Variants in CCSER1 observed in about 807,000 individuals in gnomAD.
CCSER1 encodes coiled-coil serine rich protein 1, also known as serine-rich coiled-coil domain-containing protein 1.
In CCSER1, 41 loss-of-function variants were observed where a neutral mutation model predicts 82.0. The ratio of observed to expected loss-of-function variants is 0.50; its 90% CI spans 0.39 to 0.65. The LOEUF is 0.65. Among genes scored for constraint, CCSER1 ranks in the 30% least tolerant of loss-of-function variants. The pLI, the probability that CCSER1 is intolerant of heterozygous loss-of-function variation, is 0.00. For missense variants in CCSER1, 1,119 were observed against 1,064.2 expected (o/e 1.05, Z -0.72); for synonymous variants, 414 against 383.9 (o/e 1.08, Z -0.92).
chr4:91,430,826 C>T (rs893365008), intron 10 of CCSER1, among the ~76,000 whole-genome samples: 2 of 152,180 alleles, frequency 1.3e-5, no homozygotes, highest in Admixed American at 6.5e-5. Context: ...CTACATACCA[C>T]GACTTTTTAG....
intron 1 of CCSER1, among the ~76,000 whole-genome samples, chr4:90,219,558 T>A (rs1741737763): frequency 6.6e-6 from 1 of 152,186 alleles, no homozygotes; most frequent in African/African-American, 2.4e-5. Context: ...ACCTAAACCC[T>A]AGTCCCAAGT....
intron 10 of CCSER1, among the ~76,000 whole-genome samples, chr4:91,402,824 A>G (rs1752429301): frequency 6.6e-6 from 1 of 152,218 alleles, no homozygotes; most frequent in Non-Finnish European, 1.5e-5. Flanking sequence ...GAAGTCAGGT[A>G]GCATGATGCC....
At chr4:91,551,401 A>G (rs1462907233) in intron 10 of CCSER1, among the ~76,000 whole-genome samples, 3 of 152,130 alleles carry the variant, frequency 2.0e-5, no homozygotes, top group South Asian at 2.1e-4. Flanking sequence ...TAATGAGCAT[A>G]TTAAACCCAA....
intron 8 of CCSER1, among the ~76,000 whole-genome samples, chr4:90,858,459 A>G (rs1273903759): frequency 6.6e-6 from 1 of 152,002 alleles, no homozygotes; most frequent in African/African-American, 2.4e-5. Context: ...GTGGTAATAT[A>G]TAAAAGTTAA....
intron 10 of CCSER1, among the ~76,000 whole-genome samples, chr4:91,343,416 T>A (rs1747852165): frequency 6.6e-6 from 1 of 152,038 alleles, no homozygotes; most frequent in African/African-American, 2.4e-5. Flanking sequence ...CATCAGAAAA[T>A]CCTTTGAGCA....
chr4:91,332,421 G>A (rs1381409373), intron 10 of CCSER1, among the ~76,000 whole-genome samples: 1 of 151,714 alleles, frequency 6.6e-6, no homozygotes. Context: ...AGTCCCTTAG[G>A]ACTAGGATAA....
At chr4:90,343,336 T>C (rs1349129316) in intron 3 of CCSER1, among the ~76,000 whole-genome samples, 1 of 152,218 alleles carries the variant, frequency 6.6e-6, no homozygotes, top group East Asian at 1.9e-4. Flanking sequence ...ACCTAGGTGA[T>C]TGCAGTAGCC....
intron 8 of CCSER1, among the ~76,000 whole-genome samples, chr4:90,861,119 G>A (rs1001570702): frequency 4.0e-5 from 6 of 151,648 alleles, no homozygotes; most frequent in African/African-American, 7.3e-5. Context: ...CAAGATCCAA[G>A]GATAGTAATG....
At chr4:90,343,971 A>C (rs1383354980) in intron 3 of CCSER1, among the ~76,000 whole-genome samples, 1 of 152,018 alleles carries the variant, frequency 6.6e-6, no homozygotes, top group South Asian at 2.1e-4. Context: ...ATCAAATACT[A>C]GGTCTTATTC....
intron 10 of CCSER1, among the ~76,000 whole-genome samples, chr4:91,347,168 A>G (rs1469969946): frequency 1.3e-5 from 2 of 152,122 alleles, no homozygotes; most frequent in East Asian, 3.9e-4. Flanking sequence ...ATTTTGTGAA[A>G]GGTATAACGT....
chr4:90,928,797 CT>C (rs1729375981), intron 9 of CCSER1, among the ~76,000 whole-genome samples: 1 of 151,998 alleles, frequency 6.6e-6, no homozygotes, highest in Non-Finnish European at 1.5e-5. Context: ...GAACTAAGCA[CT>C]TTGTCATTGC....
chr4:90,218,416 G>A (rs577184335), intron 1 of CCSER1, among the ~76,000 whole-genome samples: 69 of 152,122 alleles, frequency 4.5e-4, no homozygotes, highest in African/African-American at 1.4e-3. Context: ...AGCATCACAC[G>A]GTGTTTACTT....
At chr4:91,592,710 T>C (rs1764323074) in intron 10 of CCSER1, among the ~76,000 whole-genome samples, 1 of 152,218 alleles carries the variant, frequency 6.6e-6, no homozygotes, top group Admixed American at 6.5e-5. Flanking sequence ...TATTTTTAAA[T>C]TCTGTTTAAC....
intron 10 of CCSER1, among the ~76,000 whole-genome samples, chr4:91,455,720 A>G (rs1471802633): frequency 1.3e-5 from 2 of 152,128 alleles, no homozygotes; most frequent in Non-Finnish European, 2.9e-5. Context: ...AACTCCCAGC[A>G]CTATGCCTGA....
intron 1 of CCSER1, among the ~76,000 whole-genome samples, chr4:90,299,420 C>G (rs1445394729): frequency 6.6e-6 from 1 of 152,078 alleles, no homozygotes; most frequent in Admixed American, 6.6e-5. Flanking sequence ...CTCAATATAG[C>G]TAAATTATAT....
intron 10 of CCSER1, among the ~76,000 whole-genome samples, chr4:91,350,554 A>G (rs1553926804): frequency 6.6e-6 from 1 of 152,114 alleles, no homozygotes; most frequent in Non-Finnish European, 1.5e-5. Flanking sequence ...TGATGTATAG[A>G]TGGCATTCAC....
At chr4:90,428,461 C>A (rs759864918) in intron 4 of CCSER1, among the ~76,000 whole-genome samples, 35 of 151,762 alleles carry the variant, frequency 2.3e-4, no homozygotes, top group Non-Finnish European at 3.7e-4. Context: ...TTAATGATAA[C>A]ATGAACAGTC....
intron 10 of CCSER1, among the ~76,000 whole-genome samples, chr4:91,473,867 G>C (rs1757418488): frequency 6.6e-6 from 1 of 152,052 alleles, no homozygotes; most frequent in African/African-American, 2.4e-5. Context: ...CATCTTCTAA[G>C]TATATTTTAA....
intron 5 of CCSER1, among the ~76,000 whole-genome samples, chr4:90,520,473 T>G (rs2153624063): frequency 6.6e-6 from 1 of 152,312 alleles, no homozygotes; most frequent in Non-Finnish European, 1.5e-5. Flanking sequence ...TTTACTAACA[T>G]TGTGTTTAAG....
Sources: gnomAD v4.1 joint callset for allele counts (sites outside exome capture counted in the v4.1 genomes callset) on GRCh38, gnomAD v4.1.1 for gene constraint, MANE v1.5 for transcripts, NCBI Gene and HGNC (gene_info 2026-07-23, HGNC 2026-07-21) for gene names.